NPAS3: variants seen among roughly 807,000 people sequenced by gnomAD.
NPAS3 encodes neuronal PAS domain protein 3, also known as neuronal PAS domain-containing protein 3.
In NPAS3, 14 loss-of-function variants were observed where a neutral mutation model predicts 73.1. The observed-to-expected ratio is 0.19, with a 90% CI of 0.13 to 0.30. NPAS3 has a LOEUF of 0.30. Ranked by LOEUF, NPAS3 falls within the 10% of genes least tolerant of loss-of-function variation. NPAS3 has a pLI of 1.00. For missense variants in NPAS3, 1,096 were observed against 1,250.0 expected, an observed-to-expected ratio of 0.88 and a Z score of 1.86; for synonymous variants, 620 against 541.5, an observed-to-expected ratio of 1.14 and a Z score of -2.01.
At chr14:33,604,224 G>T (rs957288048) in intron 5 of NPAS3, among the ~76,000 whole-genome samples, 2 of 151,998 alleles carry the variant, frequency 1.3e-5, no homozygotes, top group Non-Finnish European at 2.9e-5. Context: ...AGCAGAGATT[G>T]TCAGATTATA....
chr14:33,173,702 T>C (rs1265403650), intron 2 of NPAS3, among the ~76,000 whole-genome samples: 2 of 152,216 alleles, frequency 1.3e-5, no homozygotes, highest in Non-Finnish European at 2.9e-5. Flanking sequence ...ATACTTTGAA[T>C]GTGCTTTTAT....
At chr14:32,990,439 G>A (rs2038284136) in intron 1 of NPAS3, among the ~76,000 whole-genome samples, 1 of 152,140 alleles carries the variant, frequency 6.6e-6, no homozygotes, top group African/African-American at 2.4e-5. Context: ...ATAGGTTGAT[G>A]TGACTATACA....
chr14:32,958,825 C>G (rs1042452373), intron 1 of NPAS3, among the ~76,000 whole-genome samples: 1 of 152,098 alleles, frequency 6.6e-6, no homozygotes, highest in Non-Finnish European at 1.5e-5. Context: ...AGGAAACACA[C>G]TAAACTTTAG....
At chr14:33,082,237 G>A (rs2041882645) in intron 2 of NPAS3, among the ~76,000 whole-genome samples, 3 of 152,094 alleles carry the variant, frequency 2.0e-5, no homozygotes, top group Admixed American at 1.3e-4. Context: ...ATATTGGTTT[G>A]TTTGCCATAG....
chr14:33,112,582 G>A (rs2138975027), intron 2 of NPAS3, among the ~76,000 whole-genome samples: 1 of 152,242 alleles, frequency 6.6e-6, no homozygotes, highest in East Asian at 1.9e-4. Context: ...TGTCAGATGA[G>A]TAGATTGCAA....
At chr14:33,631,120 AAATG>A (rs2058366112) in intron 5 of NPAS3, among the ~76,000 whole-genome samples, 1 of 152,224 alleles carries the variant, frequency 6.6e-6, no homozygotes, top group Non-Finnish European at 1.5e-5. Flanking sequence ...TACAAATTGA[AAATG>A]AATCCTAACT....
intron 3 of NPAS3, among the ~76,000 whole-genome samples, chr14:33,336,597 A>G (rs1255284457): frequency 6.6e-6 from 1 of 152,212 alleles, no homozygotes; most frequent in East Asian, 1.9e-4. Flanking sequence ...ACACCTGCCA[A>G]GGATGATTTC....
intron 5 of NPAS3, among the ~76,000 whole-genome samples, chr14:33,630,979 G>A (rs959543048): frequency 6.6e-6 from 1 of 152,182 alleles, no homozygotes; most frequent in African/African-American, 2.4e-5. Context: ...CTTTGTTTTG[G>A]TAATTATGCC....
intron 4 of NPAS3, among the ~76,000 whole-genome samples, chr14:33,556,150 T>G (rs1414854014): frequency 6.6e-6 from 1 of 152,194 alleles, no homozygotes; most frequent in Non-Finnish European, 1.5e-5. Context: ...CCTCCAGATA[T>G]TCTTTTACCC....
At chr14:33,300,482 A>G (rs1374041703) in intron 3 of NPAS3, among the ~76,000 whole-genome samples, 2 of 152,230 alleles carry the variant, frequency 1.3e-5, no homozygotes, top group African/African-American at 4.8e-5. Flanking sequence ...CCTCTGCAGC[A>G]TGCTGCTTGA....
chr14:33,175,793 C>T (rs1315345458), intron 2 of NPAS3, among the ~76,000 whole-genome samples: 1 of 150,104 alleles, frequency 6.7e-6, no homozygotes, highest in African/African-American at 2.4e-5. Context: ...TAGCAACAAA[C>T]CATCTTAAAG....
At chr14:33,385,753 A>G (rs749330793) in intron 4 of NPAS3, among the ~76,000 whole-genome samples, 4 of 152,154 alleles carry the variant, frequency 2.6e-5, no homozygotes, top group Non-Finnish European at 4.4e-5. Flanking sequence ...TCTTCTCTGG[A>G]GTTGCACATA....
At chr14:33,352,864 A>G (rs1418003238) in intron 3 of NPAS3, among the ~76,000 whole-genome samples, 2 of 152,224 alleles carry the variant, frequency 1.3e-5, no homozygotes, top group Non-Finnish European at 2.9e-5. Flanking sequence ...TGAAGAAAAT[A>G]GTGACTTAAC....
At position 33,308,527 on chromosome 14, in the gene NPAS3, T is replaced by TACACACACACAC. The variant is rs1555371843; in HGVS notation, c.386-58656_386-58655insCACACACACACA. 1.3e-3 allele frequency among the ~76,000 whole-genome samples: 137 copies of TACACACACACAC among 103,732 alleles called. 6 individuals are homozygous for TACACACACACAC. Among genetic ancestry groups the TACACACACACAC allele is most frequent in the South Asian group, 5.3e-3 (20 of 3,780 alleles). 68.1% of individuals were successfully genotyped at this position (103,732 alleles called of 152,430 possible). A position where few individuals can be genotyped will look rare whatever the true frequency, so the allele number is the denominator to read the frequency against. Reference sequence around the variant, plus strand: ...TGCATAGTTTATATATATATATATATACATACACACACACACACACACACA... The same window carrying TACACACACACAC: ...TGCATAGTTTATATATATATATATATACACACACACACACATACACACACACACACACACACA... On this transcript the variant is annotated intron_variant, in intron 3 of 11. Coordinates refer to ENST00000356141, the Ensembl canonical transcript of NPAS3.
chr14:33,445,420 T>A (rs909653539), intron 4 of NPAS3, among the ~76,000 whole-genome samples: 1 of 152,238 alleles, frequency 6.6e-6, no homozygotes, highest in Non-Finnish European at 1.5e-5. Context: ...TCACCCCAAC[T>A]CTGACATGTG....
chr14:33,423,343 A>G (rs1301287675), intron 4 of NPAS3, among the ~76,000 whole-genome samples: 2 of 152,000 alleles, frequency 1.3e-5, no homozygotes, highest in East Asian at 3.9e-4. Context: ...CTCTCAGTAC[A>G]TTCACTACAG....
At chr14:33,133,978 T>C (rs1277660120) in intron 2 of NPAS3, among the ~76,000 whole-genome samples, 1 of 152,166 alleles carries the variant, frequency 6.6e-6, no homozygotes, top group Non-Finnish European at 1.5e-5. Flanking sequence ...ATAGAAAAAT[T>C]AAAGGAATTT....
At chr14:33,107,458 C>T (rs1037083861) in intron 2 of NPAS3, among the ~76,000 whole-genome samples, 1 of 152,094 alleles carries the variant, frequency 6.6e-6, no homozygotes, top group Non-Finnish European at 1.5e-5. Flanking sequence ...ATCTTTATGT[C>T]CACGTATACC....
chr14:33,621,448 T>C (rs1421714717), intron 5 of NPAS3, among the ~76,000 whole-genome samples: 3 of 152,164 alleles, frequency 2.0e-5, no homozygotes, highest in African/African-American at 7.2e-5. Context: ...CCTTGTATCA[T>C]TGTGCGTATA....
Sources: gnomAD v4.1 joint callset for allele counts (sites outside exome capture counted in the v4.1 genomes callset) on GRCh38, gnomAD v4.1.1 for gene constraint, MANE v1.5 for transcripts, NCBI Gene and HGNC (gene_info 2026-07-23, HGNC 2026-07-21) for gene names.